ADAMTS19: variants seen among roughly 807,000 people sequenced by gnomAD.
The protein encoded by ADAMTS19 is A disintegrin and metalloproteinase with thrombospondin motifs 19.
Under a neutral mutation model 153.3 loss-of-function variants are expected in ADAMTS19, and 93 were observed. The observed-to-expected ratio is 0.61, with a 90% CI of 0.51 to 0.72. ADAMTS19 has a LOEUF of 0.72. Among genes scored for constraint, ADAMTS19 ranks in the 30% least tolerant of loss-of-function variants. The pLI, the probability that ADAMTS19 is intolerant of heterozygous loss-of-function variation, is 0.00. For missense variants in ADAMTS19, 1,482 were observed against 1,552.1 expected (o/e 0.95, Z 0.76); for synonymous variants, 600 against 556.6 (o/e 1.08, Z -1.10).
chr5:129,496,101 T>G (rs890017478), intron 2 of ADAMTS19, among the ~76,000 whole-genome samples: 4 of 152,128 alleles, frequency 2.6e-5, no homozygotes, highest in African/African-American at 9.7e-5. Context: ...CAAAGTACAT[T>G]GTTCCTTTTA....
chr5:129,720,174 AT>A (rs1177323633), intron 21 of ADAMTS19, among the ~76,000 whole-genome samples: 65 of 113,336 alleles, frequency 5.7e-4, no homozygotes, highest in East Asian at 4.9e-3. Flanking sequence ...ATATATATTT[AT>A]TTTTTTTTTT....
At chr5:129,512,358 G>T (rs898589289) in intron 3 of ADAMTS19, among the ~76,000 whole-genome samples, 2 of 152,010 alleles carry the variant, frequency 1.3e-5, no homozygotes, top group Middle Eastern at 3.2e-3. Flanking sequence ...CTGAGTACTG[G>T]TGAATAATTC....
chr5:129,704,179 C>T, intron 20 of ADAMTS19, 60 bp from the exon 21 acceptor site: 2 of 1,543,844 alleles, frequency 1.3e-6, no homozygotes, highest in Non-Finnish European at 1.8e-6. Flanking sequence ...CTTAATTGAG[C>T]CTATCATCTA....
chr5:129,557,133 TA>T (rs1753341685), intron 7 of ADAMTS19, among the ~76,000 whole-genome samples: 1 of 152,084 alleles, frequency 6.6e-6, no homozygotes, highest in Non-Finnish European at 1.5e-5. Context: ...TGAGATTAGA[TA>T]AAAAGTAGTA....
At chr5:129,652,619 T>C (rs1753366984) in intron 13 of ADAMTS19, among the ~76,000 whole-genome samples, 1 of 152,176 alleles carries the variant, frequency 6.6e-6, no homozygotes, top group Non-Finnish European at 1.5e-5. Context: ...TGAAGAGTGG[T>C]ATCAAATGTT....
intron 2 of ADAMTS19, among the ~76,000 whole-genome samples, chr5:129,482,755 C>A (rs1057127566): frequency 6.6e-6 from 1 of 152,136 alleles, no homozygotes; most frequent in African/African-American, 2.4e-5. Context: ...CCCTGCCATT[C>A]TCCTAGTTAT....
rs546922144 is a variant in ADAMTS19, at chr5:129,656,561, C to T, written c.2305-2056C>T. Among the ~76,000 whole-genome samples the T allele has an allele frequency of 3.0e-4, 46 of 152,326 alleles. No individual in the cohort carries two copies. In the South Asian group the frequency reaches 4.8e-3, roughly 16 times the overall value. On this transcript the variant is annotated intron_variant, in intron 14 of 22. Coordinates refer to ENST00000274487, the MANE Select transcript of ADAMTS19 (RefSeq NM_133638.6). ...ATGATCATGTTATTTGCGTATCTCC[C>T]GCACACCAGTGGTACCTCAGGTACT...
At chr5:129,572,855 A>G (rs536720340) in intron 7 of ADAMTS19, among the ~76,000 whole-genome samples, 1 of 152,196 alleles carries the variant, frequency 6.6e-6, no homozygotes, top group African/African-American at 2.4e-5. Flanking sequence ...GCACAAATCA[A>G]TAGAAGTGTT....
intron 7 of ADAMTS19, among the ~76,000 whole-genome samples, chr5:129,567,525 G>C (rs969279640): frequency 1.3e-5 from 2 of 152,086 alleles, no homozygotes; most frequent in African/African-American, 4.8e-5. Context: ...AAAGCAAATT[G>C]AAGTTTTAGA....
At chr5:129,731,555 C>T (rs910873257) in intron 21 of ADAMTS19, among the ~76,000 whole-genome samples, 1 of 151,756 alleles carries the variant, frequency 6.6e-6, no homozygotes, top group Non-Finnish European at 1.5e-5. Context: ...TTAATATGTG[C>T]CATTCATTGG....
At chr5:129,475,964 A>G (rs1197264312) in intron 2 of ADAMTS19, among the ~76,000 whole-genome samples, 1 of 152,224 alleles carries the variant, frequency 6.6e-6, no homozygotes, top group Admixed American at 6.5e-5. Context: ...TCTGAAATTC[A>G]GTTTTCTGAA....
chr5:129,563,257 G>A (rs1581089172), intron 7 of ADAMTS19, among the ~76,000 whole-genome samples: 1 of 151,402 alleles, frequency 6.6e-6, no homozygotes, highest in Non-Finnish European at 1.5e-5. Context: ...AGAATTTCAG[G>A]GACTTAAAAT....
At chr5:129,485,927 A>G (rs923479575) in intron 2 of ADAMTS19, among the ~76,000 whole-genome samples, 5 of 152,026 alleles carry the variant, frequency 3.3e-5, no homozygotes, top group Non-Finnish European at 7.4e-5. Flanking sequence ...AGTAGCTGGG[A>G]TTACAGACGC....
chr5:129,593,998 G>A (rs184155232), intron 7 of ADAMTS19, among the ~76,000 whole-genome samples: 1 of 152,174 alleles, frequency 6.6e-6, no homozygotes. Context: ...GACATGCATT[G>A]ATATCAGAAA....
chr5:129,712,593 A>G (rs1331896038), intron 21 of ADAMTS19, among the ~76,000 whole-genome samples: 3 of 151,512 alleles, frequency 2.0e-5, no homozygotes, highest in Admixed American at 6.6e-5. Context: ...TTTTTTTTGC[A>G]TTGCTGTTAT....
At chr5:129,460,569 G>T (rs1749613805) in intron 1 of ADAMTS19, 87 bp downstream of exon 1, 12 of 1,455,542 alleles carry the variant, frequency 8.2e-6, no homozygotes, top group Non-Finnish European at 1.2e-5. Context: ...TGGTGCAACC[G>T]GTGCGTGGAG....
At chr5:129,579,952 GT>G (rs200077052) in intron 7 of ADAMTS19, among the ~76,000 whole-genome samples, 1 of 152,124 alleles carries the variant, frequency 6.6e-6, no homozygotes, top group Non-Finnish European at 1.5e-5. Flanking sequence ...ATTCAAAGTA[GT>G]TTTTTCTAAT....
At chr5:129,673,584 A>C (rs1754409230) in intron 16 of ADAMTS19, among the ~76,000 whole-genome samples, 1 of 152,148 alleles carries the variant, frequency 6.6e-6, no homozygotes, top group South Asian at 2.1e-4. Context: ...ACCCGTTTAT[A>C]CTTGAAAAAA....
chr5:129,494,860 T>C (rs900002533), intron 2 of ADAMTS19, among the ~76,000 whole-genome samples: 2 of 152,170 alleles, frequency 1.3e-5, no homozygotes, highest in African/African-American at 2.4e-5. Flanking sequence ...ATCTTGATAC[T>C]GACCAGAGGG....
Sources: gnomAD v4.1 joint callset for allele counts (sites outside exome capture counted in the v4.1 genomes callset) on GRCh38, gnomAD v4.1.1 for gene constraint, MANE v1.5 for transcripts, NCBI Gene and HGNC (gene_info 2026-07-23, HGNC 2026-07-21) for gene names.